The following EYA1 variants were observed in gnomAD, a reference collection of about 807,000 sequenced individuals.
EYA1 encodes the protein EYA transcriptional coactivator and phosphatase 1, also known as protein phosphatase EYA1.
In EYA1, 16 loss-of-function variants were observed where a neutral mutation model predicts 82.0. The observed-to-expected ratio is 0.20, with a 90% confidence interval of 0.13 to 0.30. The LOEUF is 0.30. EYA1 is among the 10% of genes least tolerant of loss of function. EYA1 has a pLI of 1.00. For synonymous variants in EYA1, 261 were observed against 264.4 expected, an observed-to-expected ratio of 0.99 and a Z score of 0.12; for missense variants, 633 against 730.7, an observed-to-expected ratio of 0.87 and a Z score of 1.54.
chr8:71,434,930 T>C (rs931110556), intron 2 of EYA1, among the ~76,000 whole-genome samples: 59 of 152,206 alleles, frequency 3.9e-4, no homozygotes, highest in Admixed American at 3.3e-4. Flanking sequence ...CACAGACATA[T>C]ATATGTGCAT....
chr8:71,266,886 C>T (rs767892300), intron 11 of EYA1, among the ~76,000 whole-genome samples: 12 of 152,172 alleles, frequency 7.9e-5, no homozygotes, highest in Non-Finnish European at 1.8e-4. Flanking sequence ...CAGGACAACA[C>T]AGGAATCATC....
At chr8:71,416,841 T>A (rs1461501677) in intron 2 of EYA1, among the ~76,000 whole-genome samples, 2 of 152,162 alleles carry the variant, frequency 1.3e-5, no homozygotes, top group African/African-American at 4.8e-5. Flanking sequence ...CCTGTGATGG[T>A]TAATATTGAG....
intron 11 of EYA1, among the ~76,000 whole-genome samples, chr8:71,266,851 A>G (rs1815888728): frequency 6.6e-6 from 1 of 152,172 alleles, no homozygotes; most frequent in Admixed American, 6.5e-5. Flanking sequence ...ATTTCAACAA[A>G]TATACGACTA....
At chr8:71,546,466 T>C (rs893954267) in intron 1 of EYA1, among the ~76,000 whole-genome samples, 2 of 151,984 alleles carry the variant, frequency 1.3e-5, no homozygotes, top group Non-Finnish European at 1.5e-5. Context: ...TTTGCACTCA[T>C]AGCCAGGATC....
intron 2 of EYA1, among the ~76,000 whole-genome samples, chr8:71,472,788 G>GAGATATATAT (rs71555582): frequency 1.7e-3 from 219 of 126,828 alleles, no homozygotes; most frequent in East Asian, 4.9e-3. Context: ...TAGCTTTGAA[G>GAGATATATAT]ATATATATAT....
intron 2 of EYA1, among the ~76,000 whole-genome samples, chr8:71,487,318 T>C (rs1019406893): frequency 1.3e-5 from 2 of 152,160 alleles, no homozygotes. Context: ...AATGAGGGGT[T>C]CATGCAGATG....
chr8:71,464,916 C>A lies in EYA1; in HGVS notation c.33+70828G>T, dbSNP rs146002648. ...ATTTCTGAACATTACTGCCTATTTT[C>A]AAAACCAAGATTACAACTTCCCCCT... On this transcript the variant is annotated intron_variant, in intron 2 of 18. Transcript: ENST00000643681. Among the ~76,000 whole-genome samples the A allele has an allele frequency of 2.2e-4, 34 of 152,236 alleles. No homozygotes were observed. In the East Asian group the frequency reaches 6.6e-3, roughly 29 times the overall value.
chr8:71,506,171 C>T lies in EYA1; in HGVS notation c.33+29573G>A, dbSNP rs1188429270. On this transcript the variant is annotated intron_variant, in intron 2 of 18. Transcript: ENST00000643681. ...AATGGACTAATACAATGATTTTCTA[C>T]TAAAATGTAGAGAACAAAGAAGAGG... Among the ~76,000 whole-genome samples, 7 of 152,158 alleles carry T rather than the reference C, an allele frequency of 4.6e-5. No individual in the cohort carries two copies. The East Asian group carries it at 1.3e-3, about 29-fold the overall frequency.
chr8:71,323,463 T>C (rs2129033940), intron 4 of EYA1, among the ~76,000 whole-genome samples: 1 of 152,330 alleles, frequency 6.6e-6, no homozygotes, highest in African/African-American at 2.4e-5. Flanking sequence ...TTTAATTTTC[T>C]AGCTTGTGTT....
intron 2 of EYA1, among the ~76,000 whole-genome samples, chr8:71,427,818 A>G (rs1357415006): frequency 6.6e-6 from 1 of 152,054 alleles, no homozygotes; most frequent in African/African-American, 2.4e-5. Flanking sequence ...CTAGGAGTTC[A>G]AGACTATCTT....
chr8:71,470,647 A>T lies in EYA1; in HGVS notation c.33+65097T>A, dbSNP rs1460502420. 2.0e-5 allele frequency among the ~76,000 whole-genome samples: 3 copies of T among 152,194 alleles called. No individual in the cohort carries two copies. The South Asian group carries it at 6.2e-4, about 32-fold the overall frequency. On this transcript the variant is annotated intron_variant, in intron 2 of 18. Coordinates refer to the EYA1 transcript ENST00000643681. ...TGTCACATTGATCAAAATAACACAG[A>T]TAAAAGAAACATTAATCTGATATAG...
chr8:71,485,768 G>A (rs1024209535), intron 2 of EYA1, among the ~76,000 whole-genome samples: 14 of 152,246 alleles, frequency 9.2e-5, no homozygotes, highest in Admixed American at 6.5e-4. Context: ...AGTAAAATAA[G>A]GGCTGAAATG....
At chr8:71,323,893 T>G (rs1822862970) in intron 4 of EYA1, 1 of 152,274 alleles carries the variant, frequency 6.6e-6, no homozygotes, top group Non-Finnish European at 1.5e-5. Flanking sequence ...CCAGGTCATC[T>G]GCAACTAAAA....
intron 1 of EYA1, 173 bp from the exon 2 acceptor site, chr8:71,356,684 T>C (rs371948338): frequency 2.4e-5 from 32 of 1,309,542 alleles, no homozygotes; most frequent in Non-Finnish European, 2.9e-5. Context: ...GTCTCAACTG[T>C]TGTTTCCTCC....
rs141502502 is a variant in EYA1 at position 71,271,297 on chromosome 8, C to T, written c.966+461G>A. On this transcript the variant is annotated intron_variant, in intron 10 of 17. Transcript: ENST00000340726. ...CTTTGTGTTAAAAACAATCCAGGTA[C>T]GCTCTTTTAGTTATTTGAAAATGTA... Among the ~76,000 whole-genome samples the T allele has an allele frequency of 3.4e-4, 51 of 152,238 alleles. No homozygotes were observed. In the East Asian group the frequency reaches 7.7e-3, roughly 23 times the overall value.
chr8:71,260,812 G>A (rs1028079681), intron 11 of EYA1, among the ~76,000 whole-genome samples: 6 of 152,120 alleles, frequency 3.9e-5, no homozygotes, highest in Non-Finnish European at 5.9e-5. Flanking sequence ...AGATTTATTC[G>A]TCCATGTGAA....
intron 11 of EYA1, among the ~76,000 whole-genome samples, chr8:71,247,233 G>A (rs1022599675): frequency 6.6e-6 from 1 of 151,944 alleles, no homozygotes; most frequent in Non-Finnish European, 1.5e-5. Flanking sequence ...CCTCTCCAGT[G>A]TGGCCCAAGT....
At chr8:71,207,473 A>C (rs2128822333) in intron 17 of EYA1, among the ~76,000 whole-genome samples, 1 of 152,342 alleles carries the variant, frequency 6.6e-6, no homozygotes, top group East Asian at 1.9e-4. Flanking sequence ...TCCATTTTAC[A>C]CATCCACACA....
chr8:71,449,639 GAA>G (rs1241486872), intron 2 of EYA1, among the ~76,000 whole-genome samples: 1 of 152,186 alleles, frequency 6.6e-6, no homozygotes, highest in Non-Finnish European at 1.5e-5. Flanking sequence ...TTCAGAATAG[GAA>G]ATGAACAATG....
Sources: allele counts gnomAD v4.1 joint callset (sites outside exome capture counted in the v4.1 genomes callset), GRCh38; gene constraint gnomAD v4.1.1; transcripts MANE v1.5; gene names NCBI Gene and HGNC (gene_info 2026-07-23, HGNC 2026-07-21).